The following ITPR1 variants were observed in gnomAD, a reference collection of about 807,000 sequenced individuals.
The protein encoded by ITPR1 is inositol 1,4,5-trisphosphate-gated calcium channel ITPR1.
In ITPR1, 96 loss-of-function variants were observed where a neutral mutation model predicts 318.4. The observed-to-expected ratio is 0.30, with a 90% CI of 0.26 to 0.36. The LOEUF (loss-of-function observed/expected upper bound fraction) is 0.36. Ranked by LOEUF, ITPR1 falls within the 10% of genes least tolerant of loss-of-function variation. ITPR1 has a pLI of 1.00. For synonymous variants in ITPR1, 1,312 were observed against 1,289.9 expected (o/e 1.02, Z -0.37); for missense variants, 2,440 against 3,460.2 (o/e 0.71, Z 7.40).
chr3:4,647,717 T>C (rs1300182776), intron 10 of ITPR1, among the ~76,000 whole-genome samples: 2 of 152,202 alleles, frequency 1.3e-5, no homozygotes, highest in Admixed American at 1.3e-4. Flanking sequence ...TGAAATTTCA[T>C]TGTGGGTTTG....
intron 39 of ITPR1, 81 bp downstream of exon 39, chr3:4,711,949 C>A: frequency 8.3e-6 from 5 of 602,474 alleles, no homozygotes; most frequent in South Asian, 3.0e-5. Flanking sequence ...CACCTTAGCT[C>A]AGGCATTACT....
At chr3:4,586,773 AG>A (rs947312348) in intron 4 of ITPR1, among the ~76,000 whole-genome samples, 1 of 151,322 alleles carries the variant, frequency 6.6e-6, no homozygotes, top group African/African-American at 2.4e-5. Context: ...TCGTGGTACA[AG>A]GACTACCTAG....
At position 4,515,998 on chromosome 3, in the gene ITPR1, G is replaced by A. The variant is rs889893192; in HGVS notation, c.-16-478G>A. ...TTATTAATGTCATTTTGTTGCTTTG[G>A]TACCTTAGCCCAGGCACTGTGGCCT... On this transcript the variant is annotated intron_variant, in intron 2 of 61. Transcript: ENST00000649015. Among the ~76,000 whole-genome samples the A allele has an allele frequency of 2.0e-5, 3 of 152,320 alleles. No homozygotes were observed. In the East Asian group the frequency reaches 5.8e-4, roughly 29 times the overall value.
At chr3:4,620,204 C>A (rs2092573222) in intron 4 of ITPR1, among the ~76,000 whole-genome samples, 1 of 152,120 alleles carries the variant, frequency 6.6e-6, no homozygotes, top group Non-Finnish European at 1.5e-5. Flanking sequence ...TTCACCATCC[C>A]AGGTGTGGAT....
At chr3:4,788,597 G>A (rs1012049466) in intron 52 of ITPR1, among the ~76,000 whole-genome samples, 1 of 152,168 alleles carries the variant, frequency 6.6e-6, no homozygotes, top group Non-Finnish European at 1.5e-5. Context: ...TCGTTTTACA[G>A]GCAATGGAAT....
chr3:4,586,572 C>T (rs560218580), intron 4 of ITPR1, among the ~76,000 whole-genome samples: 11 of 147,898 alleles, frequency 7.4e-5, no homozygotes, highest in East Asian at 4.0e-4. Flanking sequence ...TGTAGTGGCA[C>T]GATCATGGCT....
At chr3:4,816,636 G>C (rs968840124) in intron 59 of ITPR1, among the ~76,000 whole-genome samples, 2 of 152,152 alleles carry the variant, frequency 1.3e-5, no homozygotes, top group African/African-American at 4.8e-5. Flanking sequence ...CAATCTGCCC[G>C]TTTTAGCTTC....
At chr3:4,630,819 C>T (rs1245195580) in intron 5 of ITPR1, among the ~76,000 whole-genome samples, 1 of 152,022 alleles carries the variant, frequency 6.6e-6, no homozygotes, top group East Asian at 1.9e-4. Flanking sequence ...AACTCCTGAC[C>T]TCAAGTGATC....
chr3:4,732,824 A>C (rs2043018551), intron 42 of ITPR1, among the ~76,000 whole-genome samples: 1 of 152,178 alleles, frequency 6.6e-6, no homozygotes. Flanking sequence ...GTTGTCCTTC[A>C]AAATTACTGT....
At chr3:4,495,902 A>G (rs1232512799) in intron 2 of ITPR1, among the ~76,000 whole-genome samples, 6 of 152,170 alleles carry the variant, frequency 3.9e-5, no homozygotes, top group Non-Finnish European at 7.4e-5. Context: ...TGATGAAATA[A>G]CTTGCATACC....
intron 4 of ITPR1, among the ~76,000 whole-genome samples, chr3:4,604,221 A>G (rs1011541692): frequency 2.6e-5 from 4 of 152,162 alleles, no homozygotes; most frequent in African/African-American, 4.8e-5. Flanking sequence ...AACAGAGGTT[A>G]TGGAAGACTT....
At chr3:4,704,364 A>G (rs1199948976) in intron 36 of ITPR1, among the ~76,000 whole-genome samples, 7 of 152,240 alleles carry the variant, frequency 4.6e-5, no homozygotes. Context: ...GTGAGCCGAG[A>G]TCACGCCGCT....
chr3:4,800,263 T>C (rs911262238), intron 53 of ITPR1, 162 bp from the exon 54 acceptor site: 8 of 606,188 alleles, frequency 1.3e-5, no homozygotes, highest in Non-Finnish European at 2.2e-5. Context: ...CAAAAAATGC[T>C]GATGGGACTG....
chr3:4,817,101 C>T (rs1343549869), intron 59 of ITPR1, among the ~76,000 whole-genome samples: 1 of 152,188 alleles, frequency 6.6e-6, no homozygotes, highest in Non-Finnish European at 1.5e-5. Context: ...TTAGTCATGT[C>T]ATCATCGTTT....
chr3:4,512,545 A>G (rs1227266273), intron 2 of ITPR1, among the ~76,000 whole-genome samples: 1 of 152,184 alleles, frequency 6.6e-6, no homozygotes. Context: ...AAAATCTGTC[A>G]TCATGGGTCA....
intron 2 of ITPR1, among the ~76,000 whole-genome samples, chr3:4,496,146 G>T (rs923683023): frequency 5.3e-5 from 8 of 152,190 alleles, no homozygotes; most frequent in Non-Finnish European, 1.2e-4. Context: ...TTACATCAAA[G>T]AATCTGAGTA....
rs1274831636 is a variant in ITPR1 at position 4,673,379 on chromosome 3, C to T, written c.2448C>T (p.Ala816=). The T allele has an allele frequency of 1.9e-6, 3 of 1,604,152 alleles. No individual in the cohort carries two copies. Among genetic ancestry groups the T allele is most frequent in the Non-Finnish European group, 2.6e-6 (3 of 1,172,466 alleles). ...GGTCGGAGATTCCCTCGGAGATCGC[C>T]ATTGACGAGTGAGCCTGGCACCTGA... is the stretch of plus-strand genomic sequence containing the variant. ...RLWSEIPSEI[A]IDDYDSSGAS... Residue 816 remains alanine (A), a synonymous_variant, in exon 21 of 62, where the codon GCC becomes GCT. Coordinates refer to ENST00000649015, the MANE Select transcript of ITPR1 (RefSeq NM_001378452.1).
intron 17 of ITPR1, among the ~76,000 whole-genome samples, chr3:4,666,116 C>T (rs959669847): frequency 1.3e-5 from 2 of 152,108 alleles, no homozygotes; most frequent in African/African-American, 4.8e-5. Flanking sequence ...CATGGAGTAC[C>T]GTAGGCATGC....
chr3:4,651,767 G>A (rs138679422), intron 10 of ITPR1, among the ~76,000 whole-genome samples: 52 of 152,344 alleles, frequency 3.4e-4, no homozygotes, highest in Admixed American at 1.1e-3. Flanking sequence ...GAGTACATGC[G>A]TAGATTGCTT....
Sources: allele counts gnomAD v4.1 joint callset (sites outside exome capture counted in the v4.1 genomes callset), GRCh38; gene constraint gnomAD v4.1.1; transcripts MANE v1.5; gene names NCBI Gene and HGNC (gene_info 2026-07-23, HGNC 2026-07-21).